MAP4K3: variants seen among roughly 807,000 people sequenced by gnomAD.
MAP4K3 encodes MAPK/ERK kinase kinase kinase 3.
MAP4K3 carries 94 observed loss-of-function variants against 143.5 expected under a neutral mutation model. The observed-to-expected ratio is 0.65, with a 90% CI of 0.55 to 0.78. The LOEUF (loss-of-function observed/expected upper bound fraction) is 0.78. MAP4K3 is among the 30% of genes least tolerant of loss of function. The pLI, the probability that MAP4K3 is intolerant of heterozygous loss-of-function variation, is 0.00. For synonymous variants in MAP4K3, 416 were observed against 347.2 expected, an observed-to-expected ratio of 1.20 and a Z score of -2.20; for missense variants, 1,077 against 1,068.1, an observed-to-expected ratio of 1.01 and a Z score of -0.12.
At chr2:39,298,002 A>G (rs1316408614) in intron 16 of MAP4K3, among the ~76,000 whole-genome samples, 1 of 149,484 alleles carries the variant, frequency 6.7e-6, no homozygotes, top group Non-Finnish European at 1.5e-5. Context: ...GAGGGGCTAC[A>G]TTTTTTTTTT....
At chr2:39,311,957 G>A (rs1682952318) in intron 13 of MAP4K3, among the ~76,000 whole-genome samples, 2 of 152,016 alleles carry the variant, frequency 1.3e-5, no homozygotes, top group Non-Finnish European at 2.9e-5. Flanking sequence ...ATAAGTAGTG[G>A]TACAGAAATA....
rs2148521560 is a variant in MAP4K3, at chr2:39,331,791, T to C, written c.530+126A>G. ...CACCCATAAGTGTACATGCCTGAAT[T>C]ACTTTGCCTGTTGATGACTTTTTTC... On this transcript the variant is annotated intron_variant, in intron 8 of 33. Transcript: ENST00000263881. The C allele has an allele frequency of 7.7e-6, 4 of 516,500 alleles. No individual in the cohort carries two copies. The East Asian group carries it at 8.7e-5, about 11-fold the overall frequency. The allele number at this position is 516,500 out of a possible 1,614,324, so 32.0% of individuals were successfully genotyped here. A position where few individuals can be genotyped will look rare whatever the true frequency, so the allele number is the denominator to read the frequency against.
chr2:39,325,404 A>G (rs1165197799), intron 12 of MAP4K3, 114 bp downstream of exon 12: 1 of 591,030 alleles, frequency 1.7e-6, no homozygotes, highest in Non-Finnish European at 2.9e-6. Context: ...GAGCTTTTTT[A>G]TTTAAACTAG....
chr2:39,288,446 T>C (rs1681891089), intron 19 of MAP4K3, among the ~76,000 whole-genome samples, 166 bp from the exon 20 acceptor site: 1 of 152,202 alleles, frequency 6.6e-6, no homozygotes, highest in African/African-American at 2.4e-5. Flanking sequence ...ATCTTATTGT[T>C]TTAAATATAT....
intron 19 of MAP4K3, 66 bp downstream of exon 19, chr2:39,290,226 C>CAACA (rs1573102530): frequency 1.6e-6 from 2 of 1,213,616 alleles, no homozygotes; most frequent in Non-Finnish European, 2.3e-6. Flanking sequence ...GAAAAACTCT[C>CAACA]AACAAAGTAT....
intron 6 of MAP4K3, among the ~76,000 whole-genome samples, chr2:39,336,099 C>A (rs1664947657): frequency 6.6e-6 from 1 of 152,126 alleles, no homozygotes; most frequent in South Asian, 2.1e-4. Flanking sequence ...AGGATTCCTA[C>A]CAGAGCACAT....
chr2:39,300,935 AACTG>A (rs1436303665), intron 15 of MAP4K3, among the ~76,000 whole-genome samples: 3 of 152,200 alleles, frequency 2.0e-5, no homozygotes, highest in Admixed American at 2.0e-4. Flanking sequence ...TCCTGGCACA[AACTG>A]ACTGCACCAT....
At chr2:39,302,864 G>A (rs1682561591) in intron 15 of MAP4K3, among the ~76,000 whole-genome samples, 1 of 152,104 alleles carries the variant, frequency 6.6e-6, no homozygotes, top group African/African-American at 2.4e-5. Context: ...TATCTTTTTG[G>A]GTTGCAAAGT....
chr2:39,340,784 T>G (rs2148532403), intron 4 of MAP4K3, among the ~76,000 whole-genome samples: 1 of 152,186 alleles, frequency 6.6e-6, no homozygotes, highest in Non-Finnish European at 1.5e-5. Flanking sequence ...TAGAACCAAA[T>G]AATTTCTAGA....
At chr2:39,304,078 C>A (rs1247524434) in intron 15 of MAP4K3, among the ~76,000 whole-genome samples, 4 of 151,478 alleles carry the variant, frequency 2.6e-5, no homozygotes, top group African/African-American at 9.7e-5. Context: ...AGGCATCTTT[C>A]AAAAATTCTC....
At chr2:39,429,125 C>G (rs1316430796) in intron 1 of MAP4K3, among the ~76,000 whole-genome samples, 2 of 126,080 alleles carry the variant, frequency 1.6e-5, no homozygotes, top group Admixed American at 1.6e-4. Context: ...ATGAACAAGA[C>G]TAAGCCAAAG....
In MAP4K3 at chr2:39,251,978, A is replaced by G. The variant is rs1228101171; in HGVS notation, c.2542-93T>C. 8.4e-6 allele frequency: 7 copies of G among 828,444 alleles called. No homozygotes were observed. In the Admixed American group the frequency reaches 1.4e-4, roughly 17 times the overall value. 51.3% of individuals were successfully genotyped at this position (828,444 alleles called of 1,614,324 possible). A position where few individuals can be genotyped will look rare whatever the true frequency, so the allele number is the denominator to read the frequency against. Reference sequence around the variant, plus strand: ...TATAATTCAACAGAAAAGAAACATGATCGCTAAAAATGAAAACATATTCCT... The same window carrying G: ...TATAATTCAACAGAAAAGAAACATGGTCGCTAAAAATGAAAACATATTCCT... On this transcript the variant is annotated intron_variant, in intron 32 of 33. Transcript: ENST00000263881.
chr2:39,402,707 T>C (rs1359742627), intron 1 of MAP4K3, among the ~76,000 whole-genome samples: 1 of 151,406 alleles, frequency 6.6e-6, no homozygotes, highest in African/African-American at 2.4e-5. Context: ...AAACCAAAAA[T>C]TGGGTCTTTG....
chr2:39,338,889 T>A (rs1665059492), intron 4 of MAP4K3, among the ~76,000 whole-genome samples: 1 of 152,246 alleles, frequency 6.6e-6, no homozygotes. Context: ...TGTTGGCACC[T>A]TGATCTTGCA....
chr2:39,288,893 A>G (rs2148475576), intron 19 of MAP4K3, among the ~76,000 whole-genome samples: 1 of 152,310 alleles, frequency 6.6e-6, no homozygotes, highest in African/African-American at 2.4e-5. Context: ...TCTACTAAAA[A>G]TACAAAAAAT....
intron 1 of MAP4K3, among the ~76,000 whole-genome samples, chr2:39,417,781 T>G (rs536084643): frequency 1.1e-4 from 17 of 152,208 alleles, no homozygotes; most frequent in Non-Finnish European, 2.2e-4. Context: ...GCCCAGATCT[T>G]GGTATCTAAC....
intron 3 of MAP4K3, among the ~76,000 whole-genome samples, chr2:39,355,155 G>A (rs1055806808): frequency 1.3e-5 from 2 of 152,130 alleles, no homozygotes; most frequent in Non-Finnish European, 2.9e-5. Flanking sequence ...ACGAGGTCAG[G>A]AGATCAAGAC....
rs150298798 is a variant in MAP4K3, at chr2:39,303,265, T to C, written c.1120-3464A>G. ...ACTTTTTAACGCAGTAGATGATTTA[T>C]AGAAATAGAGAGGTGTTGAATCCAG... On this transcript the variant is annotated intron_variant, in intron 15 of 33. Transcript: ENST00000263881. 10 of 165,790 alleles carry C rather than the reference T, an allele frequency of 6.0e-5. No individual in the cohort carries two copies. The East Asian group carries it at 1.5e-3, about 26-fold the overall frequency. The allele number at this position is 165,790 out of a possible 1,614,324, so 10.3% of individuals were successfully genotyped here.
At chr2:39,315,698 G>C (rs1683093617) in intron 12 of MAP4K3, among the ~76,000 whole-genome samples, 2 of 151,994 alleles carry the variant, frequency 1.3e-5, no homozygotes, top group Non-Finnish European at 2.9e-5. Flanking sequence ...CATCAGACTT[G>C]TCTAGATCCA....
Sources: gnomAD v4.1 joint callset for allele counts (sites outside exome capture counted in the v4.1 genomes callset) on GRCh38, gnomAD v4.1.1 for gene constraint, MANE v1.5 for transcripts, NCBI Gene and HGNC (gene_info 2026-07-23, HGNC 2026-07-21) for gene names.